Variants in BCL9 observed in about 807,000 individuals in gnomAD.
BCL9 encodes B-cell CLL/lymphoma 9 protein.
In BCL9, 25 loss-of-function variants were observed where a neutral mutation model predicts 88.5. The ratio of observed to expected loss-of-function variants is 0.28; its 90% CI spans 0.21 to 0.39. The LOEUF (loss-of-function observed/expected upper bound fraction) is 0.39, where lower values mean the gene tolerates loss of function less well. BCL9 is among the 10% of genes least tolerant of loss of function. The pLI is 1.00. For missense variants in BCL9, 1,817 were observed against 1,877.8 expected (o/e 0.97, Z 0.60); for synonymous variants, 711 against 673.3 (o/e 1.06, Z -0.87).
At chr1:147,559,365 G>C (rs1360551960) in intron 1 of BCL9, among the ~76,000 whole-genome samples, 1 of 152,120 alleles carries the variant, frequency 6.6e-6, no homozygotes, top group African/African-American at 2.4e-5. Flanking sequence ...AGATTCCTCT[G>C]TCATCAGCTT....
chr1:147,552,654 C>T (rs1319218387), intron 1 of BCL9, among the ~76,000 whole-genome samples: 1 of 152,156 alleles, frequency 6.6e-6, no homozygotes, highest in Non-Finnish European at 1.5e-5. Flanking sequence ...GATAATAATG[C>T]TTTTAAAGAT....
Position 147,614,467 on chromosome 1 carries a change from G to A in BCL9, c.411G>A (p.Gln137=), listed in dbSNP as rs782041372. The change falls in exon 6 of 10, where the codon CAG becomes CAA. Residue 137 remains glutamine (Q), a synonymous_variant. Coordinates refer to ENST00000234739, the MANE Select transcript of BCL9 (RefSeq NM_004326.4). The part of the protein sequence containing the change: ...SADHIKSQDS[Q]HTPHSMTPSN... Reference sequence around the variant, plus strand: ...ACCACATAAAGTCCCAGGATTCCCAGCACACACCACACTCGATGACCCCAT... The same window carrying A: ...ACCACATAAAGTCCCAGGATTCCCAACACACACCACACTCGATGACCCCAT... The A allele has an allele frequency of 1.2e-6, 2 of 1,614,048 alleles. No homozygotes were observed. Among genetic ancestry groups the A allele is most frequent in the Non-Finnish European group, 1.7e-6 (2 of 1,179,978 alleles).
At chr1:147,561,737 G>A (rs2101501412) in intron 1 of BCL9, among the ~76,000 whole-genome samples, 1 of 152,290 alleles carries the variant, frequency 6.6e-6, no homozygotes, top group Admixed American at 6.5e-5. Flanking sequence ...CATGTACACA[G>A]ATAACTGTAA....
chr1:147,558,895 G>A (rs1379679771), intron 1 of BCL9, among the ~76,000 whole-genome samples: 1 of 152,160 alleles, frequency 6.6e-6, no homozygotes, highest in African/African-American at 2.4e-5. Context: ...TGCAGCCTGA[G>A]AGTGCATTTG....
intron 1 of BCL9, among the ~76,000 whole-genome samples, chr1:147,559,039 G>C (rs1655248112): frequency 6.6e-6 from 1 of 151,902 alleles, no homozygotes; most frequent in African/African-American, 2.4e-5. Context: ...TAATTTTTAT[G>C]TGGGGCTGAA....
Position 147,618,177 on chromosome 1 carries a change from A to C in BCL9, c.661-639A>C, listed in dbSNP as rs1658386321. On this transcript the variant is annotated intron_variant, in intron 7 of 9. Coordinates refer to ENST00000234739, the MANE Select transcript of BCL9 (RefSeq NM_004326.4). ...ACAGTTAATGTACAAATTCTTATCA[A>C]ATGTGGAATCAGTGATCACCAACCA... Among the ~76,000 whole-genome samples the C allele has an allele frequency of 1.3e-5, 2 of 152,200 alleles. 1 individual carries two copies. Among genetic ancestry groups the C allele is most frequent in the South Asian group, 4.1e-4 (2 of 4,834 alleles).
chr1:147,552,695 C>T (rs1418444655), intron 1 of BCL9, among the ~76,000 whole-genome samples: 2 of 152,176 alleles, frequency 1.3e-5, no homozygotes, highest in African/African-American at 4.8e-5. Flanking sequence ...AGAGAAATAT[C>T]CACTCTTACT....
intron 1 of BCL9, among the ~76,000 whole-genome samples, chr1:147,588,384 T>C (rs1303148403): frequency 6.6e-6 from 1 of 151,660 alleles, no homozygotes; most frequent in Non-Finnish European, 1.5e-5. Context: ...GACCTTAAAC[T>C]CTCAGATTCT....
intron 1 of BCL9, among the ~76,000 whole-genome samples, chr1:147,552,510 G>A (rs1654945767): frequency 6.6e-6 from 1 of 152,202 alleles, no homozygotes; most frequent in Non-Finnish European, 1.5e-5. Context: ...GGAGACTGAG[G>A]CAGGAGAATC....
intron 1 of BCL9, among the ~76,000 whole-genome samples, chr1:147,593,351 C>T (rs1232264762): frequency 1.3e-5 from 2 of 152,178 alleles, no homozygotes; most frequent in East Asian, 3.8e-4. Flanking sequence ...TAATTATATA[C>T]ATTGTCACAC....
chr1:147,623,459 A>G (rs1553205806), intron 9 of BCL9, among the ~76,000 whole-genome samples: 1 of 152,214 alleles, frequency 6.6e-6, no homozygotes, highest in African/African-American at 2.4e-5. Context: ...ATTCCTGATC[A>G]TTGGGATTGT....
At chr1:147,564,273 A>G (rs1296049726) in intron 1 of BCL9, among the ~76,000 whole-genome samples, 1 of 152,088 alleles carries the variant, frequency 6.6e-6, no homozygotes, top group Non-Finnish European at 1.5e-5. Flanking sequence ...TTCATTTCTC[A>G]TAACAGACAC....
At chr1:147,572,020 A>C (rs1461592616) in intron 1 of BCL9, among the ~76,000 whole-genome samples, 1 of 152,010 alleles carries the variant, frequency 6.6e-6, no homozygotes, top group East Asian at 1.9e-4. Context: ...TCATGGGATC[A>C]TGAGGTCAGG....
intron 1 of BCL9, among the ~76,000 whole-genome samples, chr1:147,578,865 C>CTT (rs71791821): frequency 0.17 from 25,563 of 150,492 alleles, 6,887 homozygotes; most frequent in African/African-American, 0.57. Context: ...GGTTTTCTTT[C>CTT]TTTTTTTTTC....
rs782598148 is a variant in BCL9, at chr1:147,624,092, C to T, written c.3414C>T (p.Pro1138=). Residue 1138 remains proline, a synonymous_variant, in exon 10 of 10, where the codon CCC becomes CCT. Transcript: ENST00000234739. The surrounding 1 kb of genome is among the most constrained non-coding windows in gnomAD (Gnocchi z 4.4). ...PMVPQGRMGF[P]QGFPPVQSPP... ...TACCTCAAGGACGGATGGGCTTCCC[C>T]CAGGGCTTCCCTCCAGTACAGTCTC... 1.2e-6 allele frequency: 2 copies of T among 1,608,730 alleles called. No homozygotes were observed. Among genetic ancestry groups the T allele is most frequent in the Non-Finnish European group, 1.7e-6 (2 of 1,176,502 alleles).
intron 1 of BCL9, among the ~76,000 whole-genome samples, chr1:147,602,047 C>T (rs868942651): frequency 2.0e-5 from 3 of 151,542 alleles, no homozygotes; most frequent in Non-Finnish European, 2.9e-5. Flanking sequence ...ATTACAGGCA[C>T]GTGCCACCAC....
intron 7 of BCL9, among the ~76,000 whole-genome samples, chr1:147,617,604 A>C (rs1658354533): frequency 6.6e-6 from 1 of 152,234 alleles, no homozygotes; most frequent in Non-Finnish European, 1.5e-5. Flanking sequence ...TATTCACAGA[A>C]TATAAGTGCT....
intron 1 of BCL9, among the ~76,000 whole-genome samples, chr1:147,587,026 C>CTCTG (rs1203427996): frequency 6.8e-6 from 1 of 146,764 alleles, no homozygotes; most frequent in Non-Finnish European, 1.5e-5. Flanking sequence ...CTCTCTCTTT[C>CTCTG]TCTCTCTCTC....
intron 1 of BCL9, among the ~76,000 whole-genome samples, chr1:147,556,020 G>A (rs782064972): frequency 1.2e-4 from 19 of 152,156 alleles, no homozygotes; most frequent in Non-Finnish European, 2.5e-4. Context: ...TCCACTGGTG[G>A]CAGGAAGGGC....
Sources: gnomAD v4.1 joint callset for allele counts (sites outside exome capture counted in the v4.1 genomes callset) on GRCh38, gnomAD v4.1.1 for gene constraint, Gnocchi (gnomAD v3.1) non-coding constraint, MANE v1.5 for transcripts, NCBI Gene and HGNC (gene_info 2026-07-23, HGNC 2026-07-21) for gene names.